The following SYT1 variants were observed in gnomAD, a reference collection of about 807,000 sequenced individuals.
SYT1 encodes synaptotagmin 1.
A neutral mutation model predicts 44.8 loss-of-function variants in SYT1; 8 were observed. The ratio of observed to expected loss-of-function variants is 0.18; its 90% confidence interval spans 0.10 to 0.32. SYT1 has a LOEUF of 0.32. Among genes scored for constraint, SYT1 ranks in the 10% least tolerant of loss-of-function variants. The pLI is 1.00. For missense variants in SYT1, 286 were observed against 509.3 expected (o/e 0.56, Z 4.22); for synonymous variants, 154 against 188.8 (o/e 0.82, Z 1.51).
chr12:78,925,182 C>T (rs1431091784), intron 1 of SYT1, among the ~76,000 whole-genome samples: 1 of 151,872 alleles, frequency 6.6e-6, no homozygotes, highest in Non-Finnish European at 1.5e-5. Flanking sequence ...TTCATTCTAT[C>T]TTCTCCCTTT....
At chr12:78,910,880 A>T (rs2137125912) in intron 1 of SYT1, among the ~76,000 whole-genome samples, 1 of 152,038 alleles carries the variant, frequency 6.6e-6, no homozygotes, top group African/African-American at 2.4e-5. Flanking sequence ...AATCCAGGCA[A>T]ATTATTGAGA....
intron 3 of SYT1, among the ~76,000 whole-genome samples, chr12:79,171,806 C>T (rs1261541817): frequency 6.6e-6 from 1 of 151,944 alleles, no homozygotes; most frequent in Non-Finnish European, 1.5e-5. Context: ...TCAGTCTCCT[C>T]AGCTCTCCTA....
intron 3 of SYT1, among the ~76,000 whole-genome samples, chr12:79,187,359 C>G (rs923162064): frequency 1.3e-5 from 2 of 152,056 alleles, no homozygotes; most frequent in Non-Finnish European, 2.9e-5. Flanking sequence ...ATCATCTTGC[C>G]ACAGGTATCG....
At position 78,868,501 on chromosome 12, in the gene SYT1, C is replaced by G. The variant is rs570415344; in HGVS notation, c.-217+3392C>G. 2.1e-4 allele frequency among the ~76,000 whole-genome samples: 32 copies of G among 151,532 alleles called. 1 individual carries two copies. In the South Asian group the frequency reaches 6.0e-3, roughly 29 times the overall value. On this transcript the variant is annotated intron_variant, in intron 1 of 10. Coordinates refer to ENST00000261205, the MANE Select transcript of SYT1 (RefSeq NM_005639.3). ...GCTGAAATTTTTTCACTGAAATTGA[C>G]CAAAGCCATTTAAAAAGAGACAAAG...
chr12:78,955,263 G>A (rs370976122), intron 1 of SYT1, among the ~76,000 whole-genome samples: 8 of 152,064 alleles, frequency 5.3e-5, no homozygotes, highest in South Asian at 4.1e-4. Context: ...CAAGAAAAGC[G>A]TTGCTTGATC....
intron 1 of SYT1, among the ~76,000 whole-genome samples, chr12:78,966,152 T>C (rs1217661289): frequency 1.3e-5 from 2 of 152,124 alleles, no homozygotes; most frequent in Non-Finnish European, 2.9e-5. Flanking sequence ...ATTTTTTTAC[T>C]ATATCTATTT....
chr12:79,381,021 A>G (rs1884197791), intron 9 of SYT1, among the ~76,000 whole-genome samples: 1 of 152,180 alleles, frequency 6.6e-6, no homozygotes. Context: ...CGACAAAACT[A>G]GGTAATACTG....
chr12:79,133,009 C>T (rs564099381), intron 3 of SYT1, among the ~76,000 whole-genome samples: 26 of 152,244 alleles, frequency 1.7e-4, no homozygotes, highest in African/African-American at 6.0e-4. Context: ...ATAAATATCA[C>T]ATGTTCTCAC....
chr12:79,235,519 C>T (rs1169322188), intron 4 of SYT1, among the ~76,000 whole-genome samples: 1 of 151,436 alleles, frequency 6.6e-6, no homozygotes, highest in African/African-American at 2.4e-5. Flanking sequence ...TTCAAGGAGT[C>T]AAGCCTTCTG....
At chr12:79,389,847 A>T (rs1033119169) in intron 9 of SYT1, among the ~76,000 whole-genome samples, 1 of 152,126 alleles carries the variant, frequency 6.6e-6, no homozygotes, top group Non-Finnish European at 1.5e-5. Flanking sequence ...ATTGTCTTTA[A>T]TGTGTTTCAC....
intron 2 of SYT1, among the ~76,000 whole-genome samples, chr12:78,991,306 A>G (rs1291559924): frequency 1.3e-5 from 2 of 152,128 alleles, no homozygotes; most frequent in African/African-American, 2.4e-5. Context: ...AGAAATTCAT[A>G]TAACCTATTA....
chr12:78,958,451 T>C (rs924954739), intron 1 of SYT1, among the ~76,000 whole-genome samples: 1 of 151,928 alleles, frequency 6.6e-6, no homozygotes, highest in East Asian at 1.9e-4. Context: ...TCCCAGCACT[T>C]TGGGAGGCTG....
chr12:78,956,282 A>G (rs141399711), intron 1 of SYT1, among the ~76,000 whole-genome samples: 2 of 152,254 alleles, frequency 1.3e-5, no homozygotes, highest in Non-Finnish European at 1.5e-5. Context: ...AGATATTAAT[A>G]TAAAACACAG....
chr12:79,270,016 T>C (rs1440854481), intron 4 of SYT1, among the ~76,000 whole-genome samples: 1 of 152,208 alleles, frequency 6.6e-6, no homozygotes, highest in Non-Finnish European at 1.5e-5. Context: ...TTAATGCACA[T>C]ATTTCCAGAA....
chr12:78,890,397 C>T (rs1242051944), intron 1 of SYT1, among the ~76,000 whole-genome samples: 2 of 151,620 alleles, frequency 1.3e-5, no homozygotes, highest in African/African-American at 2.4e-5. Context: ...CGTGGGGTGA[C>T]GGGAGCGGGG....
At chr12:78,874,583 CCT>C (rs1873971664) in intron 1 of SYT1, among the ~76,000 whole-genome samples, 1 of 151,478 alleles carries the variant, frequency 6.6e-6, no homozygotes, top group Non-Finnish European at 1.5e-5. Context: ...CACCTTTGCT[CCT>C]CTTTCTCTTT....
intron 2 of SYT1, among the ~76,000 whole-genome samples, chr12:79,037,335 C>T (rs957356170): frequency 6.6e-6 from 1 of 151,560 alleles, no homozygotes; most frequent in African/African-American, 2.4e-5. Context: ...CATCCTGCCT[C>T]ATTGTCATCC....
At chr12:79,352,283 T>A (rs1396819704) in intron 8 of SYT1, among the ~76,000 whole-genome samples, 2 of 152,076 alleles carry the variant, frequency 1.3e-5, no homozygotes, top group African/African-American at 4.8e-5. Flanking sequence ...CTGGCTGACT[T>A]AACATATATG....
At chr12:79,050,733 T>G (rs1171862529) in intron 3 of SYT1, among the ~76,000 whole-genome samples, 4 of 152,096 alleles carry the variant, frequency 2.6e-5, no homozygotes, top group African/African-American at 9.6e-5. Context: ...GAAGGCAGAT[T>G]TTAACCAATA....
Sources: allele counts gnomAD v4.1 joint callset (sites outside exome capture counted in the v4.1 genomes callset), GRCh38; gene constraint gnomAD v4.1.1; transcripts MANE v1.5; gene names NCBI Gene and HGNC (gene_info 2026-07-23, HGNC 2026-07-21).